The following CRIM1 variants were observed in gnomAD, a reference collection of about 807,000 sequenced individuals.
CRIM1 encodes the protein cysteine-rich motor neuron 1 protein.
CRIM1 carries 32 observed loss-of-function variants against 116.4 expected under a neutral mutation model. That is an observed-to-expected ratio of 0.27 (90% CI 0.21 to 0.37). The LOEUF is 0.37. Among genes scored for constraint, CRIM1 ranks in the 10% least tolerant of loss-of-function variants. The pLI, the probability that CRIM1 is intolerant of heterozygous loss-of-function variation, is 1.00. For missense variants in CRIM1, 1,331 were observed against 1,354.8 expected, an observed-to-expected ratio of 0.98 and a Z score of 0.28; for synonymous variants, 590 against 509.2, an observed-to-expected ratio of 1.16 and a Z score of -2.13.
intron 2 of CRIM1, among the ~76,000 whole-genome samples, chr2:36,431,067 T>C (rs2124900311): frequency 6.6e-6 from 1 of 152,230 alleles, no homozygotes; most frequent in Admixed American, 6.5e-5. Flanking sequence ...GAGGACTGTG[T>C]GTGTGTGTAC....
At position 36,517,506 on chromosome 2, in the gene CRIM1, T is replaced by A; in HGVS notation, c.2170T>A (p.Ser724Thr). Residue 724 changes from serine to threonine, a missense_variant, in exon 12 of 17, where the codon TCA becomes ACA. Physicochemically the swap from Ser to Thr is moderately conservative, Grantham distance 58. Transcript: ENST00000280527. ...CCCACCGCTGCTCTGCCAGAACCCC[T>A]CACGCACCCAGGATTCCTGCTGCCC... ...VCPPLLCQNP[S>T]RTQDSCCPQC... 6.2e-7 allele frequency: 1 copy of A among 1,614,054 alleles called. No homozygotes were observed. Among genetic ancestry groups the A allele is most frequent in the Non-Finnish European group, 8.5e-7 (1 of 1,179,974 alleles).
intron 13 of CRIM1, among the ~76,000 whole-genome samples, chr2:36,535,666 ACCCT>A (rs1399837330): frequency 6.6e-6 from 1 of 152,112 alleles, no homozygotes; most frequent in Non-Finnish European, 1.5e-5. Flanking sequence ...TGTTTCTAAC[ACCCT>A]CCCAATGGAT....
At chr2:36,438,326 G>C (rs1194058754) in intron 2 of CRIM1, among the ~76,000 whole-genome samples, 1 of 152,186 alleles carries the variant, frequency 6.6e-6, no homozygotes, top group African/African-American at 2.4e-5. Flanking sequence ...GGAATTAAGT[G>C]CTATTTGCAA....
At chr2:36,365,726 CTA>C (rs1321862534) in intron 1 of CRIM1, among the ~76,000 whole-genome samples, 28 of 147,350 alleles carry the variant, frequency 1.9e-4, no homozygotes, top group Non-Finnish European at 3.4e-4. Flanking sequence ...GAACTATGAA[CTA>C]TGTTTGTGTT....
At chr2:36,470,474 G>A (rs1191069644) in intron 5 of CRIM1, among the ~76,000 whole-genome samples, 1 of 152,292 alleles carries the variant, frequency 6.6e-6, no homozygotes, top group African/African-American at 2.4e-5. Flanking sequence ...AGGGGCTAAT[G>A]CAGCTGATAA....
At chr2:36,366,595 C>A (rs1160242123) in intron 1 of CRIM1, among the ~76,000 whole-genome samples, 1 of 151,836 alleles carries the variant, frequency 6.6e-6, no homozygotes, top group Non-Finnish European at 1.5e-5. Flanking sequence ...GGAAACTATG[C>A]CTGTCTTATT....
intron 4 of CRIM1, among the ~76,000 whole-genome samples, chr2:36,454,245 A>G (rs946105433): frequency 6.6e-6 from 1 of 152,056 alleles, no homozygotes; most frequent in African/African-American, 2.4e-5. Context: ...AACACACTGT[A>G]TTCTTTCTTG....
At chr2:36,393,539 GCTT>G (rs1671783271) in intron 1 of CRIM1, among the ~76,000 whole-genome samples, 3 of 151,986 alleles carry the variant, frequency 2.0e-5, no homozygotes, top group Non-Finnish European at 2.9e-5. Flanking sequence ...CATATGTGAG[GCTT>G]CTTTGTCTAC....
At chr2:36,404,149 A>G (rs1558545455) in intron 2 of CRIM1, among the ~76,000 whole-genome samples, 2 of 152,224 alleles carry the variant, frequency 1.3e-5, no homozygotes, top group Non-Finnish European at 2.9e-5. Flanking sequence ...TTAGCATGGT[A>G]GAAGAAAATC....
chr2:36,377,029 T>G (rs1417278477), intron 1 of CRIM1, among the ~76,000 whole-genome samples: 1 of 152,176 alleles, frequency 6.6e-6, no homozygotes, highest in African/African-American at 2.4e-5. Context: ...CCTTTCAGGG[T>G]CTGAATCCCT....
chr2:36,394,325 A>G (rs1459084418), intron 1 of CRIM1, among the ~76,000 whole-genome samples: 1 of 152,194 alleles, frequency 6.6e-6, no homozygotes, highest in African/African-American at 2.4e-5. Flanking sequence ...TGTAGTCACA[A>G]AAATTCCTTC....
intron 13 of CRIM1, 66 bp from the exon 14 acceptor site, chr2:36,537,286 C>T: frequency 2.8e-6 from 4 of 1,423,876 alleles, no homozygotes; most frequent in Non-Finnish European, 3.9e-6. Flanking sequence ...CTTGATCTCT[C>T]ACGTCTAATA....
In CRIM1 at chr2:36,522,801, C is replaced by CAAAA. The variant is rs1388959317; in HGVS notation, c.2428+499_2428+502dup. Among the ~76,000 whole-genome samples the CAAAA allele has an allele frequency of 1.2e-4, 13 of 107,496 alleles. 1 individual carries two copies. The highest frequency in any genetic ancestry group is 5.8e-4 in the Admixed American group (6 of 10,294). 70.5% of individuals were successfully genotyped at this position (107,496 alleles called of 152,430 possible). ...TGGGTGACAGAGCAAGACTCCATCT[C>CAAAA]AAAAAAAAAAAAAAGAAGAAGAAGA... On this transcript the variant is annotated intron_variant, in intron 13 of 16. Coordinates refer to ENST00000280527, the MANE Select transcript of CRIM1 (RefSeq NM_016441.3).
intron 1 of CRIM1, among the ~76,000 whole-genome samples, chr2:36,393,855 T>C (rs976211503): frequency 1.3e-5 from 2 of 152,006 alleles, no homozygotes; most frequent in South Asian, 4.2e-4. Flanking sequence ...TGGTGAAAAA[T>C]GAGTCTGCAG....
chr2:36,371,758 C>T (rs1164613067), intron 1 of CRIM1, among the ~76,000 whole-genome samples: 2 of 152,180 alleles, frequency 1.3e-5, no homozygotes, highest in African/African-American at 2.4e-5. Context: ...AACCCCTTAT[C>T]AGCTTATAGG....
intron 2 of CRIM1, among the ~76,000 whole-genome samples, chr2:36,415,447 A>G (rs1673538770): frequency 6.6e-6 from 1 of 152,046 alleles, no homozygotes; most frequent in South Asian, 2.1e-4. Context: ...GTTTTATCTA[A>G]TCCTCTGTCT....
At chr2:36,378,197 G>A (rs1253156157) in intron 1 of CRIM1, among the ~76,000 whole-genome samples, 1 of 152,224 alleles carries the variant, frequency 6.6e-6, no homozygotes, top group African/African-American at 2.4e-5. Flanking sequence ...GTGTAGCACA[G>A]CACTGTGTAA....
At chr2:36,377,866 G>C (rs998731545) in intron 1 of CRIM1, among the ~76,000 whole-genome samples, 7 of 152,158 alleles carry the variant, frequency 4.6e-5, no homozygotes, top group African/African-American at 1.7e-4. Flanking sequence ...CTGCTGGCAG[G>C]GGAGTAGAAT....
At chr2:36,358,273 A>G (rs1572544065) in intron 1 of CRIM1, among the ~76,000 whole-genome samples, 1 of 152,304 alleles carries the variant, frequency 6.6e-6, no homozygotes, top group South Asian at 2.1e-4. Context: ...TGACTTTGGG[A>G]ATTCTGAATG....
Sources: gnomAD v4.1 joint callset for allele counts (sites outside exome capture counted in the v4.1 genomes callset) on GRCh38, gnomAD v4.1.1 for gene constraint, MANE v1.5 for transcripts, NCBI Gene and HGNC (gene_info 2026-07-23, HGNC 2026-07-21) for gene names.